SAMD4B: variants seen among roughly 807,000 people sequenced by gnomAD.
The protein encoded by SAMD4B is protein Smaug homolog 2.
In SAMD4B, 5 loss-of-function variants were observed where a neutral mutation model predicts 74.5. The ratio of observed to expected loss-of-function variants is 0.07; its 90% CI spans 0.04 to 0.14. SAMD4B has a LOEUF of 0.14. SAMD4B is among the 10% of genes least tolerant of loss of function. The pLI is 1.00. For missense variants in SAMD4B, 608 were observed against 921.8 expected, an observed-to-expected ratio of 0.66 and a Z score of 4.41; for synonymous variants, 373 against 374.9, an observed-to-expected ratio of 1.00 and a Z score of 0.06.
At chr19:39,376,323 T>A (rs2077594836) in intron 5 of SAMD4B, 114 bp from the exon 6 acceptor site, 3 of 766,632 alleles carry the variant, frequency 3.9e-6, no homozygotes, top group African/African-American at 1.7e-5. Context: ...CCCAACCCCC[T>A]CCCAATTTTT....
chr19:39,387,178 C>A, downstream of SAMD4B: 1 of 432,028 alleles, frequency 2.3e-6, no homozygotes, highest in Non-Finnish European at 4.6e-6. Context: ...AATGGTGTAG[C>A]CTATTGCTCC....
At chr19:39,387,980 A>C (rs1271844211), downstream of SAMD4B, among the ~76,000 whole-genome samples, 1 of 152,158 alleles carries the variant, frequency 6.6e-6, no homozygotes, top group Non-Finnish European at 1.5e-5. Flanking sequence ...TCTATTAAAA[A>C]TACAAAAAAA....
In SAMD4B at chr19:39,378,149, C is replaced by T. The variant is rs1041523381; in HGVS notation, c.1444+325C>T. ...ATTTCTCTCAGAGGGGACCAAAGTC[C>T]AGGGGATGGGGATGGTGAAATTTAT... On this transcript the variant is annotated intron_variant, in intron 8 of 13. Transcript: ENST00000610417. This position sits in a 1 kb window ranked among gnomAD's most constrained non-coding sequence, Gnocchi z 4.4. 2.6e-5 allele frequency among the ~76,000 whole-genome samples: 4 copies of T among 152,076 alleles called. No individual in the cohort carries two copies. The highest frequency in any genetic ancestry group is 1.3e-4 in the Admixed American group (2 of 15,268).
Position 39,356,784 on chromosome 19 carries a change from T to C in SAMD4B, c.-110T>C, listed in dbSNP as rs2076364774. On this transcript the variant is annotated 5_prime_UTR_variant, in exon 3 of 14. Coordinates refer to ENST00000610417, the MANE Select transcript of SAMD4B (RefSeq NM_001384574.2). ...GTTGCCACCACGCCCAGAAACGTCC[T>C]TAAGCCCTGGCCCTCAGGGGAAAGG... 2.1e-6 allele frequency: 2 copies of C among 937,520 alleles called. No individual in the cohort carries two copies. The highest frequency in any genetic ancestry group is 3.8e-5 in the South Asian group (2 of 53,226). 58.1% of individuals were successfully genotyped at this position (937,520 alleles called of 1,614,324 possible). A position where few individuals can be genotyped will look rare whatever the true frequency, so the allele number is the denominator to read the frequency against.
At position 39,370,108 on chromosome 19, in the gene SAMD4B, G is replaced by A. The variant is rs753586989; in HGVS notation, c.650G>A (p.Gly217Glu). 2 of 1,595,002 alleles carry A rather than the reference G, an allele frequency of 1.3e-6. No homozygotes were observed. The highest frequency in any genetic ancestry group is 1.7e-6 in the Non-Finnish European group (2 of 1,170,910). The change falls in exon 4 of 14, where the codon GGG becomes GAG. Residue 217 changes from glycine to glutamate, a missense_variant. Gly to Glu is a moderately conservative substitution (Grantham distance 98, BLOSUM62 -2). Coordinates refer to ENST00000610417, the MANE Select transcript of SAMD4B (RefSeq NM_001384574.2). ...GTGCCGCCAGCCATCAACAGTATTG[G>A]GAGCAATGCAAACACAGGTAAGTGG... ...SSVPPAINSI[G>E]SNANTGLPCQ...
rs1002070134 is a variant in SAMD4B, at chr19:39,353,695, G to C, written c.-266-311G>C. Among the ~76,000 whole-genome samples, 12 of 152,100 alleles carry C rather than the reference G, an allele frequency of 7.9e-5. No homozygotes were observed. The South Asian group carries it at 2.5e-3, about 32-fold the overall frequency. On this transcript the variant is annotated intron_variant, in intron 1 of 13. Coordinates refer to ENST00000610417, the MANE Select transcript of SAMD4B (RefSeq NM_001384574.2). The stretch of plus-strand genomic sequence containing the variant: ...CGGCTCACTGCAGCCTCCACCTCCC[G>C]GGTTCAAGCGTTTCTCCTGCCTCAG...
intron 1 of SAMD4B, chr19:39,350,214 C>A (rs148809539): frequency 4.6e-5 from 7 of 152,112 alleles, no homozygotes; most frequent in African/African-American, 1.4e-4. Context: ...GCATCATGCG[C>A]GGTATTTTTA....
At chr19:39,355,646 G>A (rs903249903) in intron 2 of SAMD4B, among the ~76,000 whole-genome samples, 3 of 152,076 alleles carry the variant, frequency 2.0e-5, no homozygotes, top group African/African-American at 7.2e-5. Context: ...TCTGGAGCTC[G>A]AGACACTTAG....
intron 3 of SAMD4B, among the ~76,000 whole-genome samples, chr19:39,364,606 CTG>C (rs1328592788): frequency 6.6e-6 from 1 of 152,122 alleles, no homozygotes; most frequent in African/African-American, 2.4e-5. Context: ...ATGGGAATCA[CTG>C]TCTTTCTTCT....
chr19:39,361,272 A>G (rs2076628603), intron 3 of SAMD4B, among the ~76,000 whole-genome samples: 1 of 152,076 alleles, frequency 6.6e-6, no homozygotes. Context: ...AAAGATGCAC[A>G]CCTACTCCAC....
Position 39,380,697 on chromosome 19 carries a change from G to C in SAMD4B, c.1760G>C (p.Arg587Pro). ...CCTCCCCGGGCCCTCCCACCCGGCC[G>C]GATGGGCCTCCTGAGCCCCTCGGGC... is the stretch of plus-strand genomic sequence containing the variant. ...PMPPRALPPG[R>P]MGLLSPSGIG... The change falls in exon 11 of 14, where the codon CGG becomes CCG. Residue 587 changes from arginine (R) to proline (P), a missense_variant. Transcript: ENST00000610417. 6.2e-7 allele frequency: 1 copy of C among 1,612,552 alleles called. No homozygotes were observed. Among genetic ancestry groups the C allele is most frequent in the Non-Finnish European group, 8.5e-7 (1 of 1,179,494 alleles).
Position 39,369,253 on chromosome 19 carries a change from T to G in SAMD4B, c.197-402T>G, listed in dbSNP as rs1030117360. ...CTGGGCTATAGTGTGCTATGCTGAT[T>G]GGGTGTCTGCACTAAGTGTGGCCCC... On this transcript the variant is annotated intron_variant, in intron 3 of 13. Coordinates refer to ENST00000610417, the MANE Select transcript of SAMD4B (RefSeq NM_001384574.2). The G allele has an allele frequency of 2.4e-5, 6 of 253,740 alleles. No individual in the cohort carries two copies. The East Asian group carries it at 6.7e-4, about 28-fold the overall frequency. The allele number at this position is 253,740 out of a possible 1,614,324, so 15.7% of individuals were successfully genotyped here. A position where few individuals can be genotyped will look rare whatever the true frequency, so the allele number is the denominator to read the frequency against.
Position 39,381,091 on chromosome 19 carries a change from G to C in SAMD4B, c.1950G>C (p.Gln650His), listed in dbSNP as rs367704987. 1 of 1,612,078 alleles carries C rather than the reference G, an allele frequency of 6.2e-7. No individual in the cohort carries two copies. Among genetic ancestry groups the C allele is most frequent in the South Asian group, 1.1e-5 (1 of 90,862 alleles). Residue 650 changes from glutamine to histidine, a missense_variant, in exon 12 of 14, where the codon CAG becomes CAC. This residue lies in a region of SAMD4B where 167 missense variants were observed against 193.0 expected (regional missense o/e 0.87). Coordinates refer to ENST00000610417, the MANE Select transcript of SAMD4B (RefSeq NM_001384574.2). ...THSLPVHSSP[Q>H]AILMFPPDCP... ...CGCTCCCGGTCCACTCGTCACCCCA[G>C]GCCATTCTCATGTTCCCTCCAGGTG...
At chr19:39,386,144 A>C, downstream of SAMD4B, 4 of 1,614,138 alleles carry the variant, frequency 2.5e-6, no homozygotes, top group Non-Finnish European at 3.4e-6. The surrounding 1 kb of genome is among the most constrained non-coding windows in gnomAD (Gnocchi z 6.1). Context: ...CGCTGTCTGA[A>C]TCATTGTCAC....
Position 39,383,707 on chromosome 19 carries a change from G to A in SAMD4B, c.*180G>A, listed in dbSNP as rs1224917131. 2.6e-6 allele frequency: 4 copies of A among 1,538,244 alleles called. No individual in the cohort carries two copies. The highest frequency in any genetic ancestry group is 3.5e-6 in the Non-Finnish European group (4 of 1,147,590). On this transcript the variant is annotated 3_prime_UTR_variant, in exon 14 of 14. Transcript: ENST00000610417. This position sits in a 1 kb window ranked among gnomAD's most constrained non-coding sequence, Gnocchi z 4.1. ...TTGGCACATGCCTTGCTCACTCCCA[G>A]GCCCGTCGAGGGATCTCTGCTGAGG...
intron 3 of SAMD4B, among the ~76,000 whole-genome samples, chr19:39,358,999 G>T (rs1227886149): frequency 2.0e-5 from 3 of 152,244 alleles, no homozygotes; most frequent in Non-Finnish European, 4.4e-5. Flanking sequence ...GGTCACATCA[G>T]CTTAGTTCCT....
intron 12 of SAMD4B, among the ~76,000 whole-genome samples, chr19:39,381,971 C>T (rs1444284781): frequency 6.6e-6 from 1 of 152,178 alleles, no homozygotes; most frequent in African/African-American, 2.4e-5. Flanking sequence ...AGATTAGAGA[C>T]TTGCTAACCG....
chr19:39,386,058 G>A (rs778486153), downstream of SAMD4B: 25 of 1,613,810 alleles, frequency 1.5e-5, no homozygotes, highest in African/African-American at 2.7e-5. The surrounding 1 kb of genome is among the most constrained non-coding windows in gnomAD (Gnocchi z 6.1). Flanking sequence ...CTCCTGGGCC[G>A]AGTGCTCGCT....
downstream of SAMD4B, chr19:39,388,327 T>C: frequency 6.2e-7 from 1 of 1,613,760 alleles, no homozygotes. Flanking sequence ...CAGATAGGAG[T>C]GTGCTGAGTA....
Sources: allele counts gnomAD v4.1 joint callset (sites outside exome capture counted in the v4.1 genomes callset), GRCh38; gene constraint gnomAD v4.1.1; regional missense constraint gnomAD v4.1.1; non-coding constraint Gnocchi (gnomAD v3.1); transcripts MANE v1.5; gene names NCBI Gene and HGNC (gene_info 2026-07-23, HGNC 2026-07-21).